ACOX1: variants seen among roughly 807,000 people sequenced by gnomAD.
ACOX1 encodes acyl-CoA oxidase 1.
A neutral mutation model predicts 75.5 loss-of-function variants in ACOX1; 41 were observed. The ratio of observed to expected loss-of-function variants is 0.54; its 90% CI spans 0.42 to 0.70. The LOEUF (loss-of-function observed/expected upper bound fraction) is 0.70. Ranked by LOEUF, ACOX1 falls within the 30% of genes least tolerant of loss-of-function variation. The pLI is 0.00. For synonymous variants in ACOX1, 303 were observed against 298.8 expected (o/e 1.01, Z -0.15); for missense variants, 630 against 837.5 (o/e 0.75, Z 3.06).
intron 2 of ACOX1, among the ~76,000 whole-genome samples, chr17:75,970,918 C>T (rs1424458444): frequency 6.6e-6 from 1 of 152,094 alleles, no homozygotes; most frequent in Non-Finnish European, 1.5e-5. Context: ...AGCAAAATTC[C>T]AGCAAGAAAA....
chr17:75,957,371 C>T, intron 4 of ACOX1, 88 bp downstream of exon 4: 1 of 1,230,226 alleles, frequency 8.1e-7, no homozygotes, highest in East Asian at 2.3e-5. Context: ...CCAAGTCTGG[C>T]CGACATTATC....
intron 2 of ACOX1, among the ~76,000 whole-genome samples, chr17:75,963,921 T>C (rs1037291084): frequency 3.3e-5 from 5 of 150,232 alleles, no homozygotes; most frequent in Admixed American, 6.6e-5. Flanking sequence ...CGGTGGCTCA[T>C]GCCTATAATC....
At chr17:75,963,390 G>A (rs2065903228) in intron 2 of ACOX1, among the ~76,000 whole-genome samples, 1 of 151,982 alleles carries the variant, frequency 6.6e-6, no homozygotes, top group Non-Finnish European at 1.5e-5. Context: ...TACTGCACAA[G>A]CATAGCATGG....
At chr17:75,948,953 G>A (rs182362584) in intron 12 of ACOX1, among the ~76,000 whole-genome samples, 5 of 150,942 alleles carry the variant, frequency 3.3e-5, no homozygotes, top group Middle Eastern at 3.2e-3. Flanking sequence ...TCTGCCTCCA[G>A]GGTTCAAATG....
intron 2 of ACOX1, among the ~76,000 whole-genome samples, chr17:75,968,799 G>T (rs1323607696): frequency 1.3e-5 from 2 of 151,334 alleles, no homozygotes; most frequent in Non-Finnish European, 2.9e-5. Context: ...GCGCATGCCT[G>T]TAATCCCAGC....
chr17:75,952,351 G>C (rs1473600427), intron 7 of ACOX1, among the ~76,000 whole-genome samples: 1 of 151,998 alleles, frequency 6.6e-6, no homozygotes, highest in African/African-American at 2.4e-5. Flanking sequence ...ATGGAGTGCA[G>C]TGTTGTGATT....
Position 75,948,430 on chromosome 17 carries a change from T to TA in ACOX1, c.1755dup (p.Thr586TyrfsTer23). On this transcript the variant is annotated frameshift_variant, in exon 13 of 14. Transcript: ENST00000293217. LOFTEE classifies it high-confidence loss of function. The stretch of plus-strand genomic sequence containing the variant: ...TCCTTTACACGCTGGTTTACTTGTG[T>TA]AATCTGAGGCTCTGTCATGATGCTC... 1 of 1,614,212 alleles carries TA rather than the reference T, an allele frequency of 6.2e-7. No individual in the cohort carries two copies. The highest frequency in any genetic ancestry group is 8.5e-7 in the Non-Finnish European group (1 of 1,180,030).
intron 2 of ACOX1, among the ~76,000 whole-genome samples, chr17:75,972,538 C>T (rs951925465): frequency 5.4e-5 from 8 of 148,900 alleles, no homozygotes; most frequent in Admixed American, 4.8e-4. Context: ...TCCAGCTACT[C>T]GGGAGGCTCG....
In ACOX1 at chr17:75,948,862, CTT is replaced by C. The variant is rs34512190; in HGVS notation, c.1728+353_1728+354del. On this transcript the variant is annotated intron_variant, in intron 12 of 13. Coordinates refer to ENST00000293217, the MANE Select transcript of ACOX1 (RefSeq NM_004035.7). ...ACTGTGCCTGGCTATTTTTCTTTTT[CTT>C]TTTTTTTTTTTTTGAGACAGAGTAT... is the stretch of plus-strand genomic sequence containing the variant. Among the ~76,000 whole-genome samples, 28 of 125,170 alleles carry C rather than the reference CTT, an allele frequency of 2.2e-4. 1 individual carries two copies. Among genetic ancestry groups the C allele is most frequent in the South Asian group, 7.8e-4 (3 of 3,870 alleles). 82.1% of individuals were successfully genotyped at this position (125,170 alleles called of 152,430 possible). A position where few individuals can be genotyped will look rare whatever the true frequency, so the allele number is the denominator to read the frequency against.
chr17:75,978,596 G>C lies in ACOX1; in HGVS notation c.207C>G (p.Ile69Met). ...RYEVAVRKSA[I>M]MVKKMREFGI... is the part of the protein sequence containing the mutation. ...CAAACTCCCTCATCTTCTTCACCAT[G>C]ATGGCACTTTTCCTGACAGCCACCT... is the stretch of plus-strand genomic sequence containing the variant. The change falls in exon 2 of 14, where the codon ATC becomes ATG. Residue 69 changes from isoleucine to methionine, a missense_variant. Physicochemically the swap from Ile to Met is conservative, Grantham distance 10 (BLOSUM62 1). Around this residue, in one of 2 missense-constraint regions of ACOX1, gnomAD observed 390 missense variants for 574.9 expected, o/e 0.68. Coordinates refer to ENST00000293217, the MANE Select transcript of ACOX1 (RefSeq NM_004035.7). This position sits in a 1 kb window ranked among gnomAD's most constrained non-coding sequence, Gnocchi z 4.2. 1.2e-6 allele frequency: 2 copies of C among 1,614,162 alleles called. No individual in the cohort carries two copies. The highest frequency in any genetic ancestry group is 1.7e-6 in the Non-Finnish European group (2 of 1,180,032).
chr17:75,971,012 C>G (rs1171176978), intron 2 of ACOX1, among the ~76,000 whole-genome samples: 1 of 152,188 alleles, frequency 6.6e-6, no homozygotes, highest in Non-Finnish European at 1.5e-5. Flanking sequence ...CCAAAACTAG[C>G]TGGGCATGAT....
intron 9 of ACOX1, 55 bp from the exon 10 acceptor site, chr17:75,949,952 T>G: frequency 6.3e-7 from 1 of 1,596,466 alleles, no homozygotes; most frequent in East Asian, 2.2e-5. Flanking sequence ...TTGTTTCTTT[T>G]GAGATGGAGT....
chr17:75,978,419 G>T lies in ACOX1; in HGVS notation c.269+115C>A. On this transcript the variant is annotated intron_variant, in intron 2 of 13. Transcript: ENST00000293217. The surrounding 1 kb of genome is among the most constrained non-coding windows in gnomAD (Gnocchi z 4.2). ...CACATATAACTTTATAAAGTTGCAT[G>T]AAAATATGCCAGTTTGCATCTTCAA... 1.4e-6 allele frequency: 2 copies of T among 1,409,190 alleles called. No individual in the cohort carries two copies. The highest frequency in any genetic ancestry group is 2.0e-6 in the Non-Finnish European group (2 of 1,001,038). The allele number at this position is 1,409,190 out of a possible 1,614,324, so 87.3% of individuals were successfully genotyped here. A position where few individuals can be genotyped will look rare whatever the true frequency, so the allele number is the denominator to read the frequency against.
intron 2 of ACOX1, among the ~76,000 whole-genome samples, chr17:75,971,434 CCT>C (rs1372226176): frequency 1.3e-5 from 2 of 151,914 alleles, no homozygotes; most frequent in Non-Finnish European, 2.9e-5. Context: ...TTCCTTTCTT[CCT>C]CTCTCCTTTC....
At chr17:75,948,855 TC>T (rs1314148639) in intron 12 of ACOX1, among the ~76,000 whole-genome samples, 2 of 118,130 alleles carry the variant, frequency 1.7e-5, no homozygotes, top group African/African-American at 4.4e-5. Context: ...TGGCTATTTT[TC>T]TTTTTCTTTT....
At chr17:75,963,504 A>G (rs2065904269) in intron 2 of ACOX1, among the ~76,000 whole-genome samples, 2 of 151,770 alleles carry the variant, frequency 1.3e-5, no homozygotes, top group Admixed American at 1.3e-4. Context: ...GATCGAGACC[A>G]TCCTGGCCAA....
intron 12 of ACOX1, among the ~76,000 whole-genome samples, chr17:75,948,902 C>G (rs2065747817): frequency 1.3e-5 from 2 of 150,420 alleles, no homozygotes; most frequent in Non-Finnish European, 3.0e-5. Flanking sequence ...CTCTGTCACC[C>G]AGGCTGGAAT....
At chr17:75,970,705 G>A (rs1040140368) in intron 2 of ACOX1, among the ~76,000 whole-genome samples, 3 of 152,178 alleles carry the variant, frequency 2.0e-5, no homozygotes, top group Non-Finnish European at 4.4e-5. Context: ...GATAATCACT[G>A]TTCACTGTTG....
chr17:75,947,211 A>G (rs1456552278), intron 13 of ACOX1, among the ~76,000 whole-genome samples: 1 of 149,522 alleles, frequency 6.7e-6, no homozygotes, highest in African/African-American at 2.5e-5. Context: ...AGAGCTATGC[A>G]TTGAATTATT....
Sources: allele counts gnomAD v4.1 joint callset (sites outside exome capture counted in the v4.1 genomes callset), GRCh38; gene constraint gnomAD v4.1.1; regional missense constraint gnomAD v4.1.1; non-coding constraint Gnocchi (gnomAD v3.1); transcripts MANE v1.5; gene names NCBI Gene and HGNC (gene_info 2026-07-23, HGNC 2026-07-21).